The following MIPEP variants were observed in gnomAD, a reference collection of about 807,000 sequenced individuals.
MIPEP encodes mitochondrial intermediate peptidase.
A neutral mutation model predicts 90.3 loss-of-function variants in MIPEP; 79 were observed. The observed-to-expected ratio is 0.87, with a 90% CI of 0.73 to 1.05. The LOEUF (loss-of-function observed/expected upper bound fraction) is 1.05. Ranked by LOEUF, MIPEP falls within the 50% of genes least tolerant of loss-of-function variation. MIPEP has a pLI of 0.00. For missense variants in MIPEP, 940 were observed against 905.6 expected, an observed-to-expected ratio of 1.04 and a Z score of -0.49; for synonymous variants, 334 against 315.8, an observed-to-expected ratio of 1.06 and a Z score of -0.61.
intron 10 of MIPEP, among the ~76,000 whole-genome samples, chr13:23,841,824 G>A (rs1211168183): frequency 6.6e-6 from 1 of 152,044 alleles, no homozygotes; most frequent in Non-Finnish European, 1.5e-5. Context: ...TGCAAAATAT[G>A]ATCAGTTTCA....
At chr13:23,801,908 A>G (rs908730152) in intron 16 of MIPEP, among the ~76,000 whole-genome samples, 7 of 151,690 alleles carry the variant, frequency 4.6e-5, no homozygotes, top group African/African-American at 1.7e-4. Context: ...AAACCCTCCT[A>G]TTTTTTCATG....
chr13:23,888,661 G>A (rs1871633841), intron 1 of MIPEP: 3 of 950,516 alleles, frequency 3.2e-6, no homozygotes, highest in African/African-American at 1.8e-5. Context: ...TGGAATTTCA[G>A]GTATTAATGA....
At position 23,759,953 on chromosome 13, in the gene MIPEP, G is replaced by A. The variant is rs1407456865; in HGVS notation, c.1970+143C>T. The A allele has an allele frequency of 7.9e-6, 8 of 1,008,926 alleles. No individual in the cohort carries two copies. In the East Asian group the frequency reaches 1.0e-4, roughly 13 times the overall value. 62.5% of individuals were successfully genotyped at this position (1,008,926 alleles called of 1,614,324 possible). On this transcript the variant is annotated intron_variant, in intron 17 of 18. Transcript: ENST00000382172. ...TTGGGTGGGAATGGCCAAGTGGGGC[G>A]AGGCTGTGTGGGGAGCCTGCCACTT...
At chr13:23,865,835 T>C (rs1356420346) in intron 7 of MIPEP, among the ~76,000 whole-genome samples, 2 of 151,928 alleles carry the variant, frequency 1.3e-5, no homozygotes, top group Admixed American at 6.6e-5. Context: ...CGCGCCCAAT[T>C]AATTTTTGTA....
intron 9 of MIPEP, among the ~76,000 whole-genome samples, chr13:23,861,240 T>A (rs1477087492): frequency 6.6e-6 from 1 of 152,224 alleles, no homozygotes; most frequent in Non-Finnish European, 1.5e-5. Context: ...ATAAGCTATA[T>A]ACAAATATCT....
chr13:23,787,245 T>C (rs2083937538), intron 16 of MIPEP, among the ~76,000 whole-genome samples: 1 of 152,208 alleles, frequency 6.6e-6, no homozygotes, highest in African/African-American at 2.4e-5. Context: ...ATAGAAGTTA[T>C]TTCTCATAGT....
rs1471188576 is a variant in MIPEP, at chr13:23,853,256, C to A, written c.1106+5604G>T. Among the ~76,000 whole-genome samples, 11 of 152,278 alleles carry A rather than the reference C, an allele frequency of 7.2e-5. No individual in the cohort carries two copies. The East Asian group carries it at 2.1e-3, about 29-fold the overall frequency. On this transcript the variant is annotated intron_variant, in intron 10 of 18. Transcript: ENST00000382172. ...CTAGGCCTTCACACTCACCACCACTCACTCACAGACTCACCCAGAGCAACT... is the reference window on the plus strand; with the variant it reads ...CTAGGCCTTCACACTCACCACCACTAACTCACAGACTCACCCAGAGCAACT...
At chr13:23,833,797 C>T (rs1020922588) in intron 14 of MIPEP, among the ~76,000 whole-genome samples, 1 of 152,158 alleles carries the variant, frequency 6.6e-6, no homozygotes. Context: ...CGTGTGTGTC[C>T]TCCCACGCCC....
At chr13:23,833,818 C>T (rs374248516) in intron 14 of MIPEP, among the ~76,000 whole-genome samples, 1 of 152,180 alleles carries the variant, frequency 6.6e-6, no homozygotes, top group Non-Finnish European at 1.5e-5. Flanking sequence ...TGTGTTCGCG[C>T]CCCTCGCCAG....
At chr13:23,838,670 G>A (rs1398528807) in intron 12 of MIPEP, among the ~76,000 whole-genome samples, 2 of 152,124 alleles carry the variant, frequency 1.3e-5, no homozygotes, top group Admixed American at 1.3e-4. Flanking sequence ...AGGACACCTA[G>A]CTAGAACTGC....
At chr13:23,886,297 G>C (rs372644751) in intron 2 of MIPEP, 36 bp downstream of exon 2, 1 of 1,391,804 alleles carries the variant, frequency 7.2e-7, no homozygotes, top group Non-Finnish European at 9.4e-7. Context: ...CAAGTTGAAA[G>C]AGAGGTAGCT....
chr13:23,803,131 G>C (rs569172581), intron 16 of MIPEP, among the ~76,000 whole-genome samples: 1 of 152,212 alleles, frequency 6.6e-6, no homozygotes, highest in African/African-American at 2.4e-5. Flanking sequence ...GGGAGGCCAA[G>C]ACAGGTGGAT....
At chr13:23,809,592 C>T (rs1306071015) in intron 15 of MIPEP, among the ~76,000 whole-genome samples, 1 of 152,140 alleles carries the variant, frequency 6.6e-6, no homozygotes, top group African/African-American at 2.4e-5. Context: ...ATTCGCCCAC[C>T]TCGGCCTCCC....
Position 23,821,676 on chromosome 13 carries a change from T to C in MIPEP, c.1654-11752A>G, listed in dbSNP as rs972751089. Among the ~76,000 whole-genome samples, 7 of 152,194 alleles carry C rather than the reference T, an allele frequency of 4.6e-5. No homozygotes were observed. In the South Asian group the frequency reaches 1.2e-3, roughly 27 times the overall value. Reference sequence around the variant, plus strand: ...TCTGAGGGGGGTTGGTTCCAGGACCTTCCTCCAAGAACAAAATCCATACAT... The same window carrying C: ...TCTGAGGGGGGTTGGTTCCAGGACCCTCCTCCAAGAACAAAATCCATACAT... On this transcript the variant is annotated intron_variant, in intron 14 of 18. Transcript: ENST00000382172.
In MIPEP at chr13:23,818,956, AC is replaced by A. The variant is rs567631208; in HGVS notation, c.1654-9033del. On this transcript the variant is annotated intron_variant, in intron 14 of 18. Transcript: ENST00000382172. ...GTTTTCATAAATTTGACCAAAAAAA[AC>A]ATTAGATGGCAAGACCTGACCTGGA... is the stretch of plus-strand genomic sequence containing the variant. 6.6e-5 allele frequency among the ~76,000 whole-genome samples: 10 copies of A among 152,364 alleles called. No individual in the cohort carries two copies. In the South Asian group the frequency reaches 1.9e-3, roughly 28 times the overall value.
At chr13:23,827,085 T>C (rs1868489860) in intron 14 of MIPEP, among the ~76,000 whole-genome samples, 1 of 152,126 alleles carries the variant, frequency 6.6e-6, no homozygotes, top group South Asian at 2.1e-4. Context: ...CACCCTTTCA[T>C]AAAAGGGACT....
At chr13:23,855,263 T>C (rs1348584952) in intron 10 of MIPEP, among the ~76,000 whole-genome samples, 2 of 152,246 alleles carry the variant, frequency 1.3e-5, no homozygotes. Flanking sequence ...AGCTGCTCTT[T>C]AAGACTTGCT....
intron 4 of MIPEP, 118 bp from the exon 5 acceptor site, chr13:23,875,027 A>AACACACACACACAC (rs10595689): frequency 0.017 from 6,848 of 400,780 alleles, 99 homozygotes; most frequent in Non-Finnish European, 0.021. Context: ...GTTTCTTCAA[A>AACACACACACACAC]ACACACACAC....
At position 23,884,767 on chromosome 13, in the gene MIPEP, T is replaced by C. The variant is rs141153663; in HGVS notation, c.363+1566A>G. 5.2e-3 allele frequency among the ~76,000 whole-genome samples: 787 copies of C among 152,368 alleles called. 10 individuals are homozygous for C. Among genetic ancestry groups the C allele is most frequent in the African/African-American group, 0.018 (768 of 41,584 alleles). ...TAACAGATTGTGTCTGTTTCATTCC[T>C]GCATGTATCCCTCATGCCTAGACAG... is the stretch of plus-strand genomic sequence containing the variant. On this transcript the variant is annotated intron_variant, in intron 2 of 18. Transcript: ENST00000382172.
Sources: gnomAD v4.1 joint callset for allele counts (sites outside exome capture counted in the v4.1 genomes callset) on GRCh38, gnomAD v4.1.1 for gene constraint, MANE v1.5 for transcripts, NCBI Gene and HGNC (gene_info 2026-07-23, HGNC 2026-07-21) for gene names.